The following MAP3K20 variants were observed in gnomAD, a reference collection of about 807,000 sequenced individuals.
MAP3K20 encodes HCCS-4.
MAP3K20 carries 40 observed loss-of-function variants against 85.7 expected under a neutral mutation model. The observed-to-expected ratio is 0.47, with a 90% confidence interval of 0.36 to 0.61. The LOEUF (loss-of-function observed/expected upper bound fraction) is 0.61, where lower values mean the gene tolerates loss of function less well. Among genes scored for constraint, MAP3K20 ranks in the 20% least tolerant of loss-of-function variants. The pLI is 0.00. For missense variants in MAP3K20, 817 were observed against 961.7 expected, an observed-to-expected ratio of 0.85 and a Z score of 1.99; for synonymous variants, 325 against 327.7, an observed-to-expected ratio of 0.99 and a Z score of 0.09.
intron 1 of MAP3K20, among the ~76,000 whole-genome samples, chr2:173,087,117 A>G (rs759615592): frequency 1.3e-5 from 2 of 152,226 alleles, no homozygotes; most frequent in Non-Finnish European, 2.9e-5. Context: ...AAGCTGCCTA[A>G]CTGTGTACTT....
At position 173,171,120 on chromosome 2, in the gene MAP3K20, C is replaced by A. The variant is rs1689987163; in HGVS notation, c.247+1228C>A. ...CAACTTTTATCTTGAGTCTATATTT[C>A]TTATAAATGTGAATACCCAAGAATG... On this transcript the variant is annotated intron_variant, in intron 3 of 19. Transcript: ENST00000375213. Among the ~76,000 whole-genome samples, 6 of 152,124 alleles carry A rather than the reference C, an allele frequency of 3.9e-5. 1 individual carries two copies. The South Asian group carries it at 1.0e-3, about 26-fold the overall frequency.
At chr2:173,178,352 A>C (rs1690226766) in intron 3 of MAP3K20, among the ~76,000 whole-genome samples, 3 of 152,192 alleles carry the variant, frequency 2.0e-5, no homozygotes, top group Admixed American at 2.0e-4. Flanking sequence ...ATAATTTAAA[A>C]ATTGAATTAG....
intron 4 of MAP3K20, among the ~76,000 whole-genome samples, chr2:173,186,361 A>G (rs1294049166): frequency 1.3e-5 from 2 of 152,154 alleles, no homozygotes; most frequent in Non-Finnish European, 2.9e-5. Context: ...TTGCAGTTTG[A>G]GGGATGTAGA....
chr2:173,192,481 G>A (rs1451731655), intron 7 of MAP3K20, among the ~76,000 whole-genome samples: 3 of 152,080 alleles, frequency 2.0e-5, no homozygotes, highest in African/African-American at 4.8e-5. Flanking sequence ...CAGAAGGCAA[G>A]AGTAACATCA....
At chr2:173,229,085 C>T (rs781039937) in intron 11 of MAP3K20, among the ~76,000 whole-genome samples, 2 of 152,222 alleles carry the variant, frequency 1.3e-5, no homozygotes, top group Non-Finnish European at 2.9e-5. Flanking sequence ...CCTCTGGAGG[C>T]ATCTTCATTT....
At chr2:173,176,050 G>A (rs1053914317) in intron 3 of MAP3K20, among the ~76,000 whole-genome samples, 14 of 152,084 alleles carry the variant, frequency 9.2e-5, no homozygotes. Flanking sequence ...GCGAGATATA[G>A]TGTTTAATTA....
At chr2:173,188,246 C>T (rs1251075553) in intron 5 of MAP3K20, among the ~76,000 whole-genome samples, 1 of 152,116 alleles carries the variant, frequency 6.6e-6, no homozygotes, top group Non-Finnish European at 1.5e-5. Context: ...AAATAACTTG[C>T]AGGATTAGAC....
chr2:173,080,533 G>A (rs1163495991), intron 1 of MAP3K20, among the ~76,000 whole-genome samples: 2 of 152,204 alleles, frequency 1.3e-5, no homozygotes, highest in Non-Finnish European at 2.9e-5. Flanking sequence ...AAGAGAAAAA[G>A]TGAACTCCTG....
At chr2:173,151,888 TTGTAA>T (rs1689318456) in intron 2 of MAP3K20, among the ~76,000 whole-genome samples, 1 of 152,224 alleles carries the variant, frequency 6.6e-6, no homozygotes, top group Non-Finnish European at 1.5e-5. Context: ...GTGTCAGCTA[TTGTAA>T]TGTATGAGTC....
chr2:173,092,755 G>A (rs1263855984), intron 2 of MAP3K20, among the ~76,000 whole-genome samples: 1 of 152,112 alleles, frequency 6.6e-6, no homozygotes, highest in Non-Finnish European at 1.5e-5. Flanking sequence ...ATTTTGATAG[G>A]AAAATATTAA....
rs141689993 is a variant in MAP3K20 at position 173,259,449 on chromosome 2, T to C, written c.1476+634T>C. 4.8e-3 allele frequency among the ~76,000 whole-genome samples: 725 copies of C among 152,314 alleles called. 6 individuals are homozygous for C. The highest frequency in any genetic ancestry group is 0.016 in the African/African-American group (675 of 41,562). ...CCCAATCATACTGGAACAATACATATGAGACTTCAATTGTAGAAGGTCAAC... is the reference window on the plus strand; with the variant it reads ...CCCAATCATACTGGAACAATACATACGAGACTTCAATTGTAGAAGGTCAAC... On this transcript the variant is annotated intron_variant, in intron 17 of 19. Coordinates refer to ENST00000375213, the MANE Select transcript of MAP3K20 (RefSeq NM_016653.3).
intron 1 of MAP3K20, among the ~76,000 whole-genome samples, chr2:173,076,804 A>G (rs746444006): frequency 2.8e-4 from 42 of 152,300 alleles, no homozygotes; most frequent in Admixed American, 7.2e-4. Flanking sequence ...GTGGGCTCCC[A>G]GACCTGCACC....
At position 173,205,913 on chromosome 2, in the gene MAP3K20, C is replaced by CTT. The variant is rs1683671199; in HGVS notation, c.744+2045_744+2046dup. ...TTAAGCATTAAGAGAAATGCCTACA[C>CTT]TTTGCAACTAGTTCAGTAGAAACTA... On this transcript the variant is annotated intron_variant, in intron 9 of 19. Transcript: ENST00000375213. 2.0e-5 allele frequency among the ~76,000 whole-genome samples: 3 copies of CTT among 152,286 alleles called. No individual in the cohort carries two copies. In the South Asian group the frequency reaches 6.2e-4, roughly 32 times the overall value.
At chr2:173,146,829 A>G (rs778050668) in intron 2 of MAP3K20, among the ~76,000 whole-genome samples, 12 of 152,204 alleles carry the variant, frequency 7.9e-5, no homozygotes, top group African/African-American at 2.7e-4. Context: ...CCAGAAGGGT[A>G]TGTGGGTTCT....
At chr2:173,262,561 T>C (rs1685322258) in intron 18 of MAP3K20, among the ~76,000 whole-genome samples, 1 of 151,316 alleles carries the variant, frequency 6.6e-6, no homozygotes, top group South Asian at 2.1e-4. Flanking sequence ...GATTGCGCCA[T>C]TGCACTCCAG....
intron 5 of MAP3K20, 53 bp from the exon 6 acceptor site, chr2:173,190,842 C>A: frequency 1.4e-6 from 2 of 1,469,172 alleles, no homozygotes; most frequent in Non-Finnish European, 1.9e-6. Flanking sequence ...CAGTAGAAGA[C>A]AGCTCAAACA....
chr2:173,264,162 T>C (rs1273204204), intron 19 of MAP3K20, among the ~76,000 whole-genome samples: 2 of 152,206 alleles, frequency 1.3e-5, no homozygotes, highest in Admixed American at 1.3e-4. Flanking sequence ...ATCAGAACTC[T>C]GGGGATAGGA....
chr2:173,142,100 T>A (rs1160188106), intron 2 of MAP3K20, among the ~76,000 whole-genome samples: 2 of 152,230 alleles, frequency 1.3e-5, no homozygotes, highest in Non-Finnish European at 2.9e-5. Context: ...TAAAAATTCT[T>A]TTAATTTCTT....
In MAP3K20 at chr2:173,261,115, T is replaced by C; in HGVS notation, c.1529T>C (p.Val510Ala). 6.2e-7 allele frequency: 1 copy of C among 1,613,638 alleles called. No homozygotes were observed. The highest frequency in any genetic ancestry group is 8.5e-7 in the Non-Finnish European group (1 of 1,179,636). The part of the protein sequence containing the change: ...WIVGIAKSQT[V>A]ECTVTYESDV... ...GTAGGAATAGCAAAAAGTCAGACTG[T>C]GGAGTGCACTGTCACATATGAGGTA... Residue 510 changes from valine to alanine, a missense_variant, in exon 18 of 20, where the codon GTG becomes GCG. Physicochemically the swap from Val to Ala is moderately conservative, Grantham distance 64. Around this residue, in one of 4 missense-constraint regions of MAP3K20, gnomAD observed 454 missense variants for 476.9 expected, o/e 0.95. Transcript: ENST00000375213.
Sources: gnomAD v4.1 joint callset for allele counts (sites outside exome capture counted in the v4.1 genomes callset) on GRCh38, gnomAD v4.1.1 for gene constraint, gnomAD v4.1.1 regional missense constraint, MANE v1.5 for transcripts, NCBI Gene and HGNC (gene_info 2026-07-23, HGNC 2026-07-21) for gene names.